TMPRSS15: variants seen among roughly 807,000 people sequenced by gnomAD.
TMPRSS15 encodes enteropeptidase.
In TMPRSS15, 128 loss-of-function variants were observed where a neutral mutation model predicts 125.3. The observed-to-expected ratio is 1.02, with a 90% CI of 0.89 to 1.18. TMPRSS15 has a LOEUF of 1.18. Ranked by LOEUF, TMPRSS15 falls within the 50% of genes most tolerant of loss-of-function variation. TMPRSS15 has a pLI of 0.00. For missense variants in TMPRSS15, 1,283 were observed against 1,212.7 expected, an observed-to-expected ratio of 1.06 and a Z score of -0.86; for synonymous variants, 446 against 423.2, an observed-to-expected ratio of 1.05 and a Z score of -0.66.
chr21:18,308,613 T>A (rs1455821632), intron 18 of TMPRSS15, among the ~76,000 whole-genome samples: 1 of 126,926 alleles, frequency 7.9e-6, no homozygotes, highest in Non-Finnish European at 1.7e-5. Flanking sequence ...TTTTTTTTTT[T>A]AAAGTTCTGG....
At chr21:18,290,362 T>C (rs1365955407) in intron 21 of TMPRSS15, among the ~76,000 whole-genome samples, 1 of 150,370 alleles carries the variant, frequency 6.7e-6, no homozygotes, top group Admixed American at 6.6e-5. Flanking sequence ...AGAAATAAGG[T>C]TTCTTACAGA....
At chr21:18,386,590 T>G (rs2075946133) in intron 3 of TMPRSS15, among the ~76,000 whole-genome samples, 1 of 152,208 alleles carries the variant, frequency 6.6e-6, no homozygotes, top group African/African-American at 2.4e-5. Context: ...TTCCTTCTTC[T>G]TTTCCTCCTA....
rs769905249 is a variant in TMPRSS15, at chr21:18,353,708, AT to A, written c.1021+14del. 1.2e-6 allele frequency: 2 copies of A among 1,605,366 alleles called. No individual in the cohort carries two copies. The highest frequency in any genetic ancestry group is 8.5e-7 in the Non-Finnish European group (1 of 1,176,062). On this transcript the variant is annotated intron_variant, in intron 9 of 24. Transcript: ENST00000284885. ...CATCTAAAAATTAAAAAGCCAAAAA[AT>A]AAATAATACTTACTATTAAGCTCAC...
At chr21:18,379,431 C>T (rs925486657) in intron 4 of TMPRSS15, 113 bp from the exon 5 acceptor site, 37 of 418,344 alleles carry the variant, frequency 8.8e-5, no homozygotes, top group South Asian at 2.7e-4. Flanking sequence ...AAAGTTATTA[C>T]GCATTATTAG....
At chr21:18,328,971 G>A (rs187086097) in intron 15 of TMPRSS15, among the ~76,000 whole-genome samples, 198 bp downstream of exon 15, 8 of 152,190 alleles carry the variant, frequency 5.3e-5, no homozygotes, top group Non-Finnish European at 1.0e-4. Flanking sequence ...TGTGAAGAAC[G>A]TTCAAGAAAA....
At chr21:18,463,163 T>C (rs150765172) in intron 1 of TMPRSS15, among the ~76,000 whole-genome samples, 2,284 of 143,504 alleles carry the variant, frequency 0.016, 45 homozygotes, top group African/African-American at 0.056. Context: ...GGGTGCTGTA[T>C]TCAGGAGACC....
chr21:18,303,106 T>G (rs533172960), intron 18 of TMPRSS15, among the ~76,000 whole-genome samples: 1 of 152,260 alleles, frequency 6.6e-6, no homozygotes, highest in African/African-American at 2.4e-5. Flanking sequence ...AATTACATGG[T>G]TTTTTAATGT....
At chr21:18,270,369 G>T (rs1490780011) in intron 24 of TMPRSS15, among the ~76,000 whole-genome samples, 1 of 152,056 alleles carries the variant, frequency 6.6e-6, no homozygotes, top group African/African-American at 2.4e-5. Context: ...TTTAGTAAAA[G>T]TTTCTCCACT....
intron 18 of TMPRSS15, among the ~76,000 whole-genome samples, chr21:18,304,261 ATGTG>A (rs779499426): frequency 6.6e-5 from 10 of 151,720 alleles, no homozygotes; most frequent in African/African-American, 1.9e-4. Context: ...GTTGTTTGAT[ATGTG>A]TGTGTGTGTG....
At chr21:18,343,755 T>G (rs1601363035) in intron 11 of TMPRSS15, 99 bp from the exon 12 acceptor site, 1 of 1,426,230 alleles carries the variant, frequency 7.0e-7, no homozygotes, top group East Asian at 2.3e-5. Context: ...GAAATAATCT[T>G]TTTTTCCTTC....
intron 15 of TMPRSS15, among the ~76,000 whole-genome samples, chr21:18,327,620 A>G (rs1440317259): frequency 6.6e-6 from 1 of 152,178 alleles, no homozygotes; most frequent in Non-Finnish European, 1.5e-5. Flanking sequence ...TGGAGTATTC[A>G]TTGATTAGTT....
intron 16 of TMPRSS15, among the ~76,000 whole-genome samples, chr21:18,324,894 A>G: frequency 6.6e-6 from 1 of 152,192 alleles, no homozygotes; most frequent in East Asian, 1.9e-4. Flanking sequence ...CACAAACAGA[A>G]GGAAACTGAA....
intron 15 of TMPRSS15, among the ~76,000 whole-genome samples, chr21:18,328,036 G>A (rs547520140): frequency 6.6e-6 from 1 of 152,184 alleles, no homozygotes; most frequent in Non-Finnish European, 1.5e-5. Context: ...CTGGGTGACA[G>A]AGCGAGGCTC....
intron 16 of TMPRSS15, 78 bp downstream of exon 16, chr21:18,326,354 T>A (rs1477743612): frequency 6.4e-7 from 1 of 1,560,832 alleles, no homozygotes; most frequent in South Asian, 1.1e-5. Flanking sequence ...AAATCATGAT[T>A]TTGGCCTTGA....
intron 21 of TMPRSS15, among the ~76,000 whole-genome samples, chr21:18,282,267 A>T (rs1344458878): frequency 1.3e-5 from 2 of 152,134 alleles, no homozygotes; most frequent in African/African-American, 4.8e-5. Context: ...AGTATATTAT[A>T]ATTTGAAAGT....
intron 1 of TMPRSS15, among the ~76,000 whole-genome samples, chr21:18,417,438 A>C (rs2123184057): frequency 6.6e-6 from 1 of 152,292 alleles, no homozygotes; most frequent in Non-Finnish European, 1.5e-5. Context: ...ATATGTCCTA[A>C]AACACAGTAA....
intron 3 of TMPRSS15, among the ~76,000 whole-genome samples, chr21:18,396,792 A>AAAATCTGTG (rs1408156983): frequency 8.9e-6 from 1 of 112,792 alleles, no homozygotes; most frequent in Admixed American, 9.8e-5. Context: ...AAAAAAAAAA[A>AAAATCTGTG]TCTGTCTGTC....
chr21:18,445,992 CA>C (rs1385260949), intron 1 of TMPRSS15, among the ~76,000 whole-genome samples: 58 of 152,230 alleles, frequency 3.8e-4, no homozygotes, highest in Admixed American at 1.2e-3. Flanking sequence ...AAAGGGCATC[CA>C]AATTGGAAAG....
chr21:18,438,479 T>TA (rs1004333193), intron 1 of TMPRSS15, among the ~76,000 whole-genome samples: 11 of 151,688 alleles, frequency 7.3e-5, no homozygotes, highest in African/African-American at 2.2e-4. Context: ...AGTATAATAA[T>TA]AAAAAAAACA....
Sources: allele counts gnomAD v4.1 joint callset (sites outside exome capture counted in the v4.1 genomes callset), GRCh38; gene constraint gnomAD v4.1.1; transcripts MANE v1.5; gene names NCBI Gene and HGNC (gene_info 2026-07-23, HGNC 2026-07-21).